RAP1A: variants seen among roughly 807,000 people sequenced by gnomAD.
The protein encoded by RAP1A is RAP1A, member of RAS oncogene family, also known as ras-related protein Rap-1A.
A neutral mutation model predicts 26.4 loss-of-function variants in RAP1A; 6 were observed. The observed-to-expected ratio is 0.23, with a 90% CI of 0.12 to 0.45. RAP1A has a LOEUF of 0.45. Among genes scored for constraint, RAP1A ranks in the 20% least tolerant of loss-of-function variants. The pLI is 0.99. For synonymous variants in RAP1A, 73 were observed against 79.4 expected (o/e 0.92, Z 0.43); for missense variants, 121 against 217.2 (o/e 0.56, Z 2.78).
At chr1:111,549,649 CA>C (rs370585012) in intron 1 of RAP1A, among the ~76,000 whole-genome samples, 13,570 of 94,356 alleles carry the variant, frequency 0.14, 794 homozygotes, top group East Asian at 0.37. Flanking sequence ...GACTCTGTTT[CA>C]AAAAAAAAAA....
chr1:111,630,293 G>T (rs1487363819), intron 1 of RAP1A, among the ~76,000 whole-genome samples: 1 of 152,038 alleles, frequency 6.6e-6, no homozygotes, highest in East Asian at 1.9e-4. Context: ...TTTTGAATCA[G>T]CAATTTTGAA....
rs552494425 is a variant in RAP1A at position 111,711,474 on chromosome 1, A to T, written c.*30-957A>T. 4.6e-5 allele frequency among the ~76,000 whole-genome samples: 7 copies of T among 152,342 alleles called. No homozygotes were observed. The South Asian group carries it at 1.4e-3, about 32-fold the overall frequency. On this transcript the variant is annotated intron_variant, in intron 7 of 7. Transcript: ENST00000369709. ...GTGAGTTTTACCTTAGAGAAGATAA[A>T]TCTTGACCTAGATCTGGAATAAGAC...
intron 1 of RAP1A, among the ~76,000 whole-genome samples, chr1:111,682,012 A>G (rs914707158): frequency 6.6e-6 from 1 of 152,166 alleles, no homozygotes; most frequent in Admixed American, 6.5e-5. Context: ...CAGAAACCCT[A>G]CAAGCCAGAA....
At chr1:111,653,567 C>T (rs1435702801) in intron 1 of RAP1A, among the ~76,000 whole-genome samples, 2 of 151,402 alleles carry the variant, frequency 1.3e-5, no homozygotes, top group Non-Finnish European at 2.9e-5. Flanking sequence ...GCCTGTAATC[C>T]CAGCTACGTG....
intron 1 of RAP1A, among the ~76,000 whole-genome samples, chr1:111,596,207 A>T (rs1658561341): frequency 6.6e-6 from 1 of 152,156 alleles, no homozygotes; most frequent in African/African-American, 2.4e-5. Flanking sequence ...AGGATCATTT[A>T]CAACATTCTT....
intron 1 of RAP1A, chr1:111,650,522 C>T (rs985883466): frequency 6.6e-6 from 1 of 152,142 alleles, no homozygotes; most frequent in Non-Finnish European, 1.5e-5. Context: ...AGTATATGTG[C>T]TGCCAAAGCA....
chr1:111,647,513 G>A (rs1660108608), intron 1 of RAP1A, among the ~76,000 whole-genome samples: 1 of 152,174 alleles, frequency 6.6e-6, no homozygotes, highest in Admixed American at 6.5e-5. Context: ...TGCCAAAAAG[G>A]TTGGGGATCG....
At chr1:111,575,506 G>T (rs1658131004) in intron 1 of RAP1A, among the ~76,000 whole-genome samples, 1 of 152,192 alleles carries the variant, frequency 6.6e-6, no homozygotes, top group Non-Finnish European at 1.5e-5. Flanking sequence ...AAATGGGGAT[G>T]ATAATAATTA....
chr1:111,624,527 A>G (rs1279693971), intron 1 of RAP1A, among the ~76,000 whole-genome samples: 1 of 152,240 alleles, frequency 6.6e-6, no homozygotes, highest in African/African-American at 2.4e-5. Context: ...TTTCAAAGTT[A>G]AATGATCCAG....
chr1:111,578,680 CGT>C (rs1557856480), intron 1 of RAP1A, among the ~76,000 whole-genome samples: 1 of 151,518 alleles, frequency 6.6e-6, no homozygotes, highest in African/African-American at 2.4e-5. Context: ...TGTTTTTCCC[CGT>C]ACACCAAGCA....
intron 1 of RAP1A, among the ~76,000 whole-genome samples, chr1:111,609,914 G>A (rs948636903): frequency 2.6e-5 from 4 of 152,118 alleles, no homozygotes; most frequent in African/African-American, 9.7e-5. Context: ...CTAAAGTGCT[G>A]GGATCACAGG....
chr1:111,689,312 C>T (rs1661596912), intron 1 of RAP1A, among the ~76,000 whole-genome samples: 1 of 150,904 alleles, frequency 6.6e-6, no homozygotes, highest in Non-Finnish European at 1.5e-5. Context: ...TCTACCCTTG[C>T]TTCTTTCTTC....
At chr1:111,656,169 C>G (rs994133092) in intron 1 of RAP1A, among the ~76,000 whole-genome samples, 1 of 151,174 alleles carries the variant, frequency 6.6e-6, no homozygotes, top group African/African-American at 2.4e-5. Context: ...ATTGCAATAT[C>G]TGTTAAAATA....
At chr1:111,584,198 C>CT (rs1658318897) in intron 1 of RAP1A, among the ~76,000 whole-genome samples, 1 of 152,120 alleles carries the variant, frequency 6.6e-6, no homozygotes, top group Non-Finnish European at 1.5e-5. Context: ...GATATTTCAA[C>CT]TGTGAATGTC....
At chr1:111,612,627 G>A (rs998475101) in intron 1 of RAP1A, among the ~76,000 whole-genome samples, 5 of 151,986 alleles carry the variant, frequency 3.3e-5, no homozygotes, top group African/African-American at 7.3e-5. Context: ...CTGTATTGCC[G>A]CTCAAATCAC....
At chr1:111,595,350 C>G (rs995788117) in intron 1 of RAP1A, among the ~76,000 whole-genome samples, 2 of 152,132 alleles carry the variant, frequency 1.3e-5, no homozygotes, top group African/African-American at 4.8e-5. Context: ...GTTTCTGGTA[C>G]AGGGGTCTTG....
chr1:111,704,741 T>A (rs1662131910), intron 6 of RAP1A, among the ~76,000 whole-genome samples: 1 of 152,226 alleles, frequency 6.6e-6, no homozygotes, highest in South Asian at 2.1e-4. Flanking sequence ...AAAATCCTGC[T>A]AAGCCTCTAA....
intron 1 of RAP1A, among the ~76,000 whole-genome samples, chr1:111,649,914 T>A (rs1660208013): frequency 6.6e-6 from 1 of 152,138 alleles, no homozygotes; most frequent in Non-Finnish European, 1.5e-5. Flanking sequence ...TCTGTTAGGC[T>A]TAAAAAAGAA....
intron 1 of RAP1A, among the ~76,000 whole-genome samples, chr1:111,651,977 T>C (rs1457052784): frequency 6.6e-6 from 1 of 152,012 alleles, no homozygotes; most frequent in African/African-American, 2.4e-5. Context: ...CAAGTATTTT[T>C]ATTTTTATTT....
Sources: allele counts gnomAD v4.1 joint callset (sites outside exome capture counted in the v4.1 genomes callset), GRCh38; gene constraint gnomAD v4.1.1; transcripts MANE v1.5; gene names NCBI Gene and HGNC (gene_info 2026-07-23, HGNC 2026-07-21).